Variants in ABR observed in about 807,000 individuals in gnomAD.
ABR encodes the protein active breakpoint cluster region-related protein.
Under a neutral mutation model 107.2 loss-of-function variants are expected in ABR, and 35 were observed. The observed-to-expected ratio is 0.33, with a 90% CI of 0.25 to 0.43. The LOEUF is 0.43. ABR is among the 20% of genes least tolerant of loss of function. ABR has a pLI of 1.00. For synonymous variants in ABR, 498 were observed against 462.0 expected, an observed-to-expected ratio of 1.08 and a Z score of -1.00; for missense variants, 815 against 1,115.2, an observed-to-expected ratio of 0.73 and a Z score of 3.83.
intron 13 of ABR, among the ~76,000 whole-genome samples, chr17:1,056,567 G>C (rs986025864): frequency 1.3e-5 from 2 of 152,036 alleles, no homozygotes; most frequent in Non-Finnish European, 2.9e-5. Context: ...TCCCAGCCCT[G>C]ATCACAGCTC....
At chr17:1,212,972 C>A (rs1195774108) in intron 1 of ABR, among the ~76,000 whole-genome samples, 3 of 152,024 alleles carry the variant, frequency 2.0e-5, no homozygotes, top group Non-Finnish European at 4.4e-5. Flanking sequence ...AGAAATTTTT[C>A]ACCCTTTTAC....
intron 18 of ABR, chr17:1,012,399 C>G (rs1209152194): frequency 1.5e-6 from 1 of 669,466 alleles, no homozygotes; most frequent in South Asian, 1.5e-5. Flanking sequence ...GGTGCCGAGC[C>G]CAAACGTAGG....
chr17:1,089,814 G>T (rs1431634492), intron 4 of ABR, among the ~76,000 whole-genome samples: 3 of 152,198 alleles, frequency 2.0e-5, no homozygotes, highest in African/African-American at 7.2e-5. Flanking sequence ...ACAAAAATTA[G>T]CCGGGTGTGA....
upstream of ABR, among the ~76,000 whole-genome samples, chr17:1,190,378 A>C (rs1360331016): frequency 2.6e-5 from 4 of 152,346 alleles, no homozygotes; most frequent in Non-Finnish European, 5.9e-5. Context: ...TCACGCCTGT[A>C]ATCCCAGCAC....
At chr17:1,034,430 C>T (rs1020397776) in intron 16 of ABR, among the ~76,000 whole-genome samples, 11 of 152,154 alleles carry the variant, frequency 7.2e-5, no homozygotes, top group African/African-American at 2.4e-4. Context: ...TGGCACGGGT[C>T]ACTTGTGCAC....
intron 1 of ABR, among the ~76,000 whole-genome samples, chr17:1,213,062 C>T (rs1443703953): frequency 3.9e-5 from 6 of 152,184 alleles, no homozygotes; most frequent in African/African-American, 1.4e-4. Context: ...CCCATCTAAC[C>T]ACGCACAGAG....
chr17:1,012,404 C>A (rs1011825343), intron 18 of ABR: 2 of 669,814 alleles, frequency 3.0e-6, no homozygotes, highest in Admixed American at 4.1e-5. Context: ...CGAGCCCAAA[C>A]GTAGGCCCCC....
intron 16 of ABR, among the ~76,000 whole-genome samples, chr17:1,026,832 G>A (rs184635330): frequency 7.9e-5 from 12 of 152,354 alleles, no homozygotes; most frequent in Admixed American, 2.0e-4. Flanking sequence ...AGTGAGCGAG[G>A]CCACTCAGCA....
intron 2 of ABR, among the ~76,000 whole-genome samples, chr17:1,104,205 C>T (rs2038095723): frequency 1.3e-5 from 2 of 152,090 alleles, no homozygotes; most frequent in Non-Finnish European, 1.5e-5. Flanking sequence ...CTGGTGGGTT[C>T]GTTTATCCTC....
At chr17:1,205,719 C>G (rs2042775639) in intron 1 of ABR, among the ~76,000 whole-genome samples, 1 of 152,220 alleles carries the variant, frequency 6.6e-6, no homozygotes, top group Non-Finnish European at 1.5e-5. Flanking sequence ...CCCAGGCGGG[C>G]AGATCACAAG....
At chr17:1,081,881 T>G (rs1220734271) in intron 5 of ABR, among the ~76,000 whole-genome samples, 4 of 152,176 alleles carry the variant, frequency 2.6e-5, no homozygotes, top group Admixed American at 2.6e-4. Context: ...CCGGCTTCTA[T>G]AGGTACGTTT....
chr17:1,133,627 A>G (rs2039936634), intron 1 of ABR, among the ~76,000 whole-genome samples: 1 of 152,242 alleles, frequency 6.6e-6, no homozygotes, highest in African/African-American at 2.4e-5. Context: ...GAAGGCTACA[A>G]CACAAAATCA....
Position 1,050,082 on chromosome 17 carries a change from C to T in ABR, c.1759G>A (p.Val587Met), listed in dbSNP as rs542189987. 8 of 1,614,144 alleles carry T rather than the reference C, an allele frequency of 5.0e-6. No individual in the cohort carries two copies. Among genetic ancestry groups the T allele is most frequent in the African/African-American group, 4.0e-5 (3 of 75,070 alleles). Residue 587 changes from valine to methionine, a missense_variant, in exon 16 of 23, where the codon GTG (valine) becomes ATG (methionine). This residue lies in a region of ABR where 92 missense variants were observed against 82.3 expected (regional missense o/e 1.12). Coordinates refer to ENST00000302538, the MANE Select transcript of ABR (RefSeq NM_021962.5). The surrounding 1 kb of genome is among the most constrained non-coding windows in gnomAD (Gnocchi z 4.6). Reference protein sequence around the residue: ...TKVNKDNNEIVDKIMGKGQIQ... With the variant: ...TKVNKDNNEIMDKIMGKGQIQ... ...TGTCCTTTGCCCATGATCTTGTCCA[C>T]GATCTCATTGTTGTCCTTGTTGACC...
rs1166822975 is a variant in ABR, at chr17:1,050,878, A to C, written c.1562-244T>G. The stretch of plus-strand genomic sequence containing the variant: ...TGCCCTTCCTACCTCAGCCCTCCCC[A>C]CACTCTGCCCTTCCCACCTCGGCCC... On this transcript the variant is annotated intron_variant, in intron 14 of 22. Transcript: ENST00000302538. This position sits in a 1 kb window ranked among gnomAD's most constrained non-coding sequence, Gnocchi z 4.6. Among the ~76,000 whole-genome samples, 1 of 137,642 alleles carries C rather than the reference A, an allele frequency of 7.3e-6. No homozygotes were observed. The highest frequency in any genetic ancestry group is 3.0e-5 in the African/African-American group (1 of 33,730). The allele number at this position is 137,642 out of a possible 152,430, so 90.3% of individuals were successfully genotyped here.
chr17:1,118,103 C>T (rs374994574), intron 2 of ABR, among the ~76,000 whole-genome samples: 15 of 4,026 alleles, frequency 3.7e-3, no homozygotes, highest in African/African-American at 5.8e-3. Flanking sequence ...GAGCCTGAGT[C>T]CTCCCCAGCG....
At chr17:1,141,677 A>G (rs11247579) in intron 1 of ABR, among the ~76,000 whole-genome samples, 63,148 of 151,912 alleles carry the variant, frequency 0.42, 13,324 homozygotes, top group Middle Eastern at 0.5. Flanking sequence ...GTGAGTTAAG[A>G]CTACAGCAAG....
At position 1,179,581 on chromosome 17, in the gene ABR, G is replaced by A. The variant is rs1411857619; in HGVS notation, c.61+86C>T. 4 of 1,343,540 alleles carry A rather than the reference G, an allele frequency of 3.0e-6. No homozygotes were observed. The highest frequency in any genetic ancestry group is 1.5e-5 in the African/African-American group (1 of 65,622). 83.2% of individuals were successfully genotyped at this position (1,343,540 alleles called of 1,614,324 possible). On this transcript the variant is annotated intron_variant, in intron 1 of 22. Transcript: ENST00000302538. This position sits in a 1 kb window ranked among gnomAD's most constrained non-coding sequence, Gnocchi z 4.9. ...CCTGGGTCCCGATCCCGATCTTGGG[G>A]TCCCGATCCCGATCCTGGGGTCCCG...
At chr17:1,030,570 T>C (rs1197061192) in intron 16 of ABR, among the ~76,000 whole-genome samples, 1 of 152,200 alleles carries the variant, frequency 6.6e-6, no homozygotes, top group Non-Finnish European at 1.5e-5. Flanking sequence ...TGCCCAGCAC[T>C]TTCCAGGGCT....
chr17:1,123,210 G>A (rs1044441346), intron 2 of ABR, among the ~76,000 whole-genome samples: 1 of 152,168 alleles, frequency 6.6e-6, no homozygotes, highest in African/African-American at 2.4e-5. Flanking sequence ...GCCGCGGATG[G>A]GACCTTTGCC....
Sources: gnomAD v4.1 joint callset for allele counts (sites outside exome capture counted in the v4.1 genomes callset) on GRCh38, gnomAD v4.1.1 for gene constraint, gnomAD v4.1.1 regional missense constraint, Gnocchi (gnomAD v3.1) non-coding constraint, MANE v1.5 for transcripts, NCBI Gene and HGNC (gene_info 2026-07-23, HGNC 2026-07-21) for gene names.